The following PDE1C variants were observed in gnomAD, a reference collection of about 807,000 sequenced individuals.
PDE1C encodes dual specificity calcium/calmodulin-dependent 3',5'-cyclic nucleotide phosphodiesterase 1C.
PDE1C carries 62 observed loss-of-function variants against 93.1 expected under a neutral mutation model. That is an observed-to-expected ratio of 0.67 (90% confidence interval 0.54 to 0.82). The LOEUF (loss-of-function observed/expected upper bound fraction) is 0.82, where lower values mean the gene tolerates loss of function less well. Among genes scored for constraint, PDE1C ranks in the 40% least tolerant of loss-of-function variants. The probability of loss-of-function intolerance (pLI) is 0.00; values close to 1 mark genes in which losing one functional copy is unlikely to be tolerated. For missense variants in PDE1C, 742 were observed against 884.6 expected (o/e 0.84, Z 2.04); for synonymous variants, 325 against 310.1 (o/e 1.05, Z -0.50).
chr7:31,654,493 T>G, the PDE1C span, among the ~76,000 whole-genome samples: 1 of 152,172 alleles, frequency 6.6e-6, no homozygotes, highest in African/African-American at 2.4e-5. Context: ...CGTTTTGAAG[T>G]CATGCTGGCT....
intron 3 of PDE1C, among the ~76,000 whole-genome samples, chr7:32,078,761 C>CA (rs1040435925): frequency 1.1e-4 from 16 of 151,900 alleles, no homozygotes; most frequent in Admixed American, 8.5e-4. Context: ...CCTGTCTCTA[C>CA]AAAAAATTTT....
At chr7:31,652,630 T>A in the PDE1C span, 2 of 1,613,816 alleles carry the variant, frequency 1.2e-6, no homozygotes, top group South Asian at 2.2e-5. Flanking sequence ...CACCCAGGCA[T>A]GGCCCCGAGG....
the PDE1C span, among the ~76,000 whole-genome samples, chr7:31,739,503 T>C: frequency 3.3e-5 from 5 of 152,192 alleles, no homozygotes; most frequent in Admixed American, 2.0e-4. Context: ...TGTTATGAGC[T>C]TTAGTGCATT....
intron 2 of PDE1C, among the ~76,000 whole-genome samples, chr7:32,202,408 T>C (rs185392784): frequency 6.6e-6 from 1 of 152,310 alleles, no homozygotes; most frequent in African/African-American, 2.4e-5. Context: ...CTCCGCTGGA[T>C]GGGCTCCTGC....
At chr7:31,708,772 G>A in the PDE1C span, among the ~76,000 whole-genome samples, 3 of 152,094 alleles carry the variant, frequency 2.0e-5, no homozygotes, top group Admixed American at 6.5e-5. Context: ...AAGCATTCCC[G>A]TTTGCCATAT....
intron 1 of PDE1C, among the ~76,000 whole-genome samples, chr7:32,386,820 A>G (rs939443496): frequency 2.0e-5 from 3 of 152,158 alleles, no homozygotes; most frequent in African/African-American, 7.2e-5. Flanking sequence ...AATAGCCGTC[A>G]AAGAGGTTGA....
intron 3 of PDE1C, among the ~76,000 whole-genome samples, chr7:32,098,366 G>A (rs1048404278): frequency 7.9e-5 from 12 of 151,950 alleles, no homozygotes; most frequent in African/African-American, 2.2e-4. Context: ...TGACCTTGGC[G>A]AGCCTTTCTC....
chr7:32,313,759 G>T (rs538643969), intron 1 of PDE1C, among the ~76,000 whole-genome samples: 2 of 146,152 alleles, frequency 1.4e-5, no homozygotes, highest in South Asian at 2.3e-4. Flanking sequence ...GTCATGAGGT[G>T]GGGGGGAGGG....
chr7:31,720,183 A>C, the PDE1C span, among the ~76,000 whole-genome samples: 1 of 149,988 alleles, frequency 6.7e-6, no homozygotes, highest in South Asian at 2.1e-4. Context: ...AAAAAAAAAA[A>C]AAAAAAAAAA....
intron 8 of PDE1C, among the ~76,000 whole-genome samples, chr7:31,850,163 A>C (rs1793154219): frequency 6.6e-6 from 1 of 152,104 alleles, no homozygotes; most frequent in Non-Finnish European, 1.5e-5. Flanking sequence ...TGGTGCAAGC[A>C]CTAAACAGAG....
intron 1 of PDE1C, among the ~76,000 whole-genome samples, chr7:32,271,477 C>G (rs1401249604): frequency 1.3e-5 from 2 of 152,030 alleles, no homozygotes; most frequent in Non-Finnish European, 2.9e-5. Context: ...ATATTTAACC[C>G]AGGAACACGA....
intron 1 of PDE1C, among the ~76,000 whole-genome samples, chr7:32,287,325 C>T (rs1585081434): frequency 6.6e-6 from 1 of 152,320 alleles, no homozygotes; most frequent in African/African-American, 2.4e-5. Flanking sequence ...CATCTCCTCC[C>T]TCCAGCCACA....
At chr7:31,739,290 A>G in the PDE1C span, among the ~76,000 whole-genome samples, 1 of 151,748 alleles carries the variant, frequency 6.6e-6, no homozygotes, top group African/African-American at 2.4e-5. Context: ...TATGAGTGGA[A>G]TAAAGCCTCA....
intron 1 of PDE1C, among the ~76,000 whole-genome samples, chr7:32,342,461 T>C (rs1335976861): frequency 6.6e-6 from 1 of 152,216 alleles, no homozygotes; most frequent in Admixed American, 6.5e-5. Flanking sequence ...TATATAACTG[T>C]CCTTAAATGA....
At chr7:32,182,422 C>G (rs1194972861) in intron 2 of PDE1C, among the ~76,000 whole-genome samples, 9 of 152,278 alleles carry the variant, frequency 5.9e-5, no homozygotes, top group Non-Finnish European at 4.4e-5. Context: ...CAAACCGAAT[C>G]CAGCAGCACA....
chr7:32,054,893 T>C (rs146040363), intron 1 of PDE1C, among the ~76,000 whole-genome samples: 1 of 152,300 alleles, frequency 6.6e-6, no homozygotes, highest in East Asian at 1.9e-4. Flanking sequence ...ATGGGCAAGA[T>C]TGGTGAGGCC....
chr7:32,254,446 A>G (rs903413996), intron 1 of PDE1C, among the ~76,000 whole-genome samples: 2 of 152,218 alleles, frequency 1.3e-5, no homozygotes, highest in Non-Finnish European at 2.9e-5. Context: ...ACCTCCTGAG[A>G]GAGCAGGAAA....
the PDE1C span, among the ~76,000 whole-genome samples, chr7:31,647,449 G>A: frequency 6.4e-3 from 969 of 151,470 alleles, 3 homozygotes; most frequent in Admixed American, 0.011. Context: ...ATCACCTGAG[G>A]TTAGGGCTTC....
chr7:32,264,899 G>C (rs539741967), intron 1 of PDE1C, among the ~76,000 whole-genome samples: 4 of 152,278 alleles, frequency 2.6e-5, no homozygotes, highest in Non-Finnish European at 5.9e-5. Context: ...TGCCCAAACA[G>C]ATCCTTTTTT....
Sources: gnomAD v4.1 joint callset for allele counts (sites outside exome capture counted in the v4.1 genomes callset) on GRCh38, gnomAD v4.1.1 for gene constraint, MANE v1.5 for transcripts, NCBI Gene and HGNC (gene_info 2026-07-23, HGNC 2026-07-21) for gene names.